The following ATPAF2 variants were observed in gnomAD, a reference collection of about 807,000 sequenced individuals.
The protein encoded by ATPAF2 is ATP12 homolog.
ATPAF2 carries 30 observed loss-of-function variants against 36.6 expected under a neutral mutation model. That is an observed-to-expected ratio of 0.82 (90% CI 0.61 to 1.11). ATPAF2 has a LOEUF of 1.11. ATPAF2 is among the 50% of genes most tolerant of loss of function. ATPAF2 has a pLI of 0.00. For synonymous variants in ATPAF2, 140 were observed against 152.6 expected, an observed-to-expected ratio of 0.92 and a Z score of 0.61; for missense variants, 321 against 372.3, an observed-to-expected ratio of 0.86 and a Z score of 1.13.
At position 18,021,871 on chromosome 17, in the gene ATPAF2, G is replaced by C. The variant is rs746996386; in HGVS notation, c.504-14C>G. ...TCCACGCCGTATCTGAAAGGAAAAGGGCTTCGGCATGTCTCTGTCATGCTG... is the reference window on the plus strand; with the variant it reads ...TCCACGCCGTATCTGAAAGGAAAAGCGCTTCGGCATGTCTCTGTCATGCTG... On this transcript the variant is annotated splice_polypyrimidine_tract_variant and intron_variant, in intron 5 of 7. Transcript: ENST00000474627. 1.2e-6 allele frequency: 2 copies of C among 1,610,438 alleles called. No individual in the cohort carries two copies. Among genetic ancestry groups the C allele is most frequent in the Non-Finnish European group, 1.7e-6 (2 of 1,176,794 alleles).
Position 18,028,317 on chromosome 17 carries a change from G to A in ATPAF2, c.239C>T (p.Thr80Ile), listed in dbSNP as rs1210953910. The A allele has an allele frequency of 6.2e-7, 1 of 1,614,188 alleles. No homozygotes were observed. The highest frequency in any genetic ancestry group is 1.7e-5 in the Admixed American group (1 of 60,026). ...KLKTPQAKLF[T>I]VPSEALAIAV... ...AATGGCCAGGGCCTCGCTGGGGACG[G>A]TAAAGAGCTTGGCTTGGGGAGTTTT... The change falls in exon 3 of 8, where the codon ACC (threonine) becomes ATC (isoleucine). Residue 80 changes from threonine (T) to isoleucine (I), a missense_variant. By Grantham distance (89) the Thr-to-Ile change is moderately conservative. Transcript: ENST00000474627.
At chr17:18,016,268 G>C (rs943509685), downstream of ATPAF2, 25 of 1,488,274 alleles carry the variant, frequency 1.7e-5, no homozygotes, top group Non-Finnish European at 2.2e-5. Context: ...TCCCTAGGTA[G>C]TGGATAGAAT....
At position 18,021,113 on chromosome 17, in the gene ATPAF2, T is replaced by C. The variant is rs1205539493; in HGVS notation, c.732+10A>G. 6.2e-7 allele frequency: 1 copy of C among 1,609,992 alleles called. No homozygotes were observed. The highest frequency in any genetic ancestry group is 8.5e-7 in the Non-Finnish European group (1 of 1,178,062). On this transcript the variant is annotated intron_variant, in intron 7 of 7. Transcript: ENST00000474627. ...AAGGGGGAGGCGGGACCTGAGGTGC[T>C]GCTCCTCACCTGGTACTCCTCCTCC... is the stretch of plus-strand genomic sequence containing the variant.
chr17:18,024,879 G>A lies in ATPAF2; in HGVS notation c.423-175C>T, dbSNP rs575052205. The A allele has an allele frequency of 3.3e-3, 2,114 of 647,766 alleles. 4 individuals carry two copies. The highest frequency in any genetic ancestry group is 5.2e-3 in the Admixed American group (227 of 43,576). The allele number at this position is 647,766 out of a possible 1,614,324, so 40.1% of individuals were successfully genotyped here. A position where few individuals can be genotyped will look rare whatever the true frequency, so the allele number is the denominator to read the frequency against. The stretch of plus-strand genomic sequence containing the variant: ...AAAGTGTGGCCCTGGCACCAGCATC[G>A]CCTGGGAACTTGTTAGAAATACACA... On this transcript the variant is annotated intron_variant, in intron 4 of 7. Coordinates refer to ENST00000474627, the MANE Select transcript of ATPAF2 (RefSeq NM_145691.4).
intron 3 of ATPAF2, 131 bp downstream of exon 3, chr17:18,028,101 G>C (rs1209536761): frequency 9.5e-7 from 1 of 1,054,450 alleles, no homozygotes; most frequent in Non-Finnish European, 1.5e-6. Flanking sequence ...TGACTTGAGA[G>C]GAGGTGAATC....
At chr17:18,034,297 T>C (rs1173040480) in intron 1 of ATPAF2, among the ~76,000 whole-genome samples, 1 of 151,794 alleles carries the variant, frequency 6.6e-6, no homozygotes, top group African/African-American at 2.4e-5. Flanking sequence ...CCCAGCTACT[T>C]TGGAGGCTGA....
At chr17:18,026,669 C>T (rs71367428) in intron 3 of ATPAF2, 2 of 573,632 alleles carry the variant, frequency 3.5e-6, no homozygotes, top group African/African-American at 3.7e-5. Context: ...TAGTGAACCT[C>T]CCCCATGGTC....
intron 3 of ATPAF2, chr17:18,028,030 G>A: frequency 1.5e-6 from 1 of 657,082 alleles, no homozygotes; most frequent in East Asian, 2.8e-5. Flanking sequence ...CCAGCACAGT[G>A]TTCCTAGGAG....
chr17:18,039,146 T>G lies in ATPAF2; in HGVS notation c.-133A>C. On this transcript the variant is annotated 5_prime_UTR_variant, in exon 1 of 8. Coordinates refer to ENST00000474627, the MANE Select transcript of ATPAF2 (RefSeq NM_145691.4). This position sits in a 1 kb window ranked among gnomAD's most constrained non-coding sequence, Gnocchi z 5.3. Reference sequence around the variant, plus strand: ...GCCTCCTCAGAGCCCTCAACCTCCCTTGGACGCCGCCATCTTCCGCATGAC... The same window carrying G: ...GCCTCCTCAGAGCCCTCAACCTCCCGTGGACGCCGCCATCTTCCGCATGAC... 7.7e-7 allele frequency: 1 copy of G among 1,296,676 alleles called. No homozygotes were observed. The highest frequency in any genetic ancestry group is 1.1e-6 in the Non-Finnish European group (1 of 933,086). 80.3% of individuals were successfully genotyped at this position (1,296,676 alleles called of 1,614,324 possible). A position where few individuals can be genotyped will look rare whatever the true frequency, so the allele number is the denominator to read the frequency against.
In ATPAF2 at chr17:18,024,625, T is replaced by A. The variant is rs1400539381; in HGVS notation, c.502A>T (p.Arg168Ter). Reference protein sequence around the residue: ...WDPIIEWAEKRYGVEISSSTS... With the variant: ...WDPIIEWAEK ...TTTCTGCAGGGCTGTACATCTTACC[T>A]TTTCTCAGCCCATTCGATGATTGGA... The change falls in exon 5 of 8, where the codon AGA becomes TGA. Residue 168 changes from arginine (R) to a stop codon, truncating the protein, a stop_gained and splice_region_variant. Coordinates refer to ENST00000474627, the MANE Select transcript of ATPAF2 (RefSeq NM_145691.4). LOFTEE classifies it high-confidence loss of function. 4 of 1,613,368 alleles carry A rather than the reference T, an allele frequency of 2.5e-6. No homozygotes were observed. The highest frequency in any genetic ancestry group is 3.4e-6 in the Non-Finnish European group (4 of 1,179,564).
chr17:18,026,981 G>A lies in ATPAF2; in HGVS notation c.325-565C>T, dbSNP rs572454944. Among the ~76,000 whole-genome samples the A allele has an allele frequency of 4.6e-5, 7 of 152,244 alleles. 1 individual carries two copies. In the South Asian group the frequency reaches 1.5e-3, roughly 32 times the overall value. ...CACGCCTGTAATCTCAGCACTTTGGGAGGCTGAGGTGGGCAGATCACCTGA... is the reference window on the plus strand; with the variant it reads ...CACGCCTGTAATCTCAGCACTTTGGAAGGCTGAGGTGGGCAGATCACCTGA... On this transcript the variant is annotated intron_variant, in intron 3 of 7. Transcript: ENST00000474627.
chr17:18,019,497 C>G (rs1367615129), intron 7 of ATPAF2, among the ~76,000 whole-genome samples: 1 of 152,268 alleles, frequency 6.6e-6, no homozygotes, highest in Non-Finnish European at 1.5e-5. Flanking sequence ...CACGCAGTGG[C>G]TTCAACTCTG....
intron 2 of ATPAF2, 22 bp downstream of exon 2, chr17:18,028,593 A>C: frequency 1.3e-6 from 2 of 1,515,696 alleles, no homozygotes; most frequent in South Asian, 1.2e-5. Flanking sequence ...AAAAAGAGGC[A>C]GTCAAAATTT....
chr17:18,038,898 G>T lies in ATPAF2; in HGVS notation c.116C>A (p.Ala39Asp). 6.2e-7 allele frequency: 1 copy of T among 1,614,064 alleles called. No homozygotes were observed. Among genetic ancestry groups the T allele is most frequent in the Non-Finnish European group, 8.5e-7 (1 of 1,179,908 alleles). The part of the protein sequence containing the change: ...PGPTIPSPAR[A>D]YAPPTERKRF... ...GGTCTTACCTGTCGGCGGGGCGTAA[G>T]CCCGGGCTGGAGACGGGATGGTTGG... Residue 39 changes from alanine to aspartate, a missense_variant, in exon 1 of 8, where the codon GCT becomes GAT. Ala to Asp is a moderately radical substitution (Grantham distance 126). This residue lies in a region of ATPAF2 where 69 missense variants were observed against 60.1 expected (regional missense o/e 1.15). Coordinates refer to ENST00000474627, the MANE Select transcript of ATPAF2 (RefSeq NM_145691.4).
At chr17:18,036,479 G>A (rs944855254) in intron 1 of ATPAF2, among the ~76,000 whole-genome samples, 8 of 151,932 alleles carry the variant, frequency 5.3e-5, no homozygotes, top group Admixed American at 6.6e-5. Context: ...GGGACGCTGA[G>A]GCAGGAGAAT....
chr17:18,023,228 C>T (rs975031037), intron 5 of ATPAF2, among the ~76,000 whole-genome samples: 14 of 151,126 alleles, frequency 9.3e-5, no homozygotes, highest in African/African-American at 3.2e-4. Context: ...GTCAGGAGTT[C>T]GAGACCAGCC....
chr17:18,021,150 C>T lies in ATPAF2; in HGVS notation c.705G>A (p.Leu235=), dbSNP rs1057523261. Residue 235 remains leucine, a synonymous_variant, in exon 7 of 8, where the codon CTG becomes CTA. Transcript: ENST00000474627. Reference sequence around the variant, plus strand: ...GGTACTCCTCCTCCAGGCGTGACAGCAGCACGGCCTGCTCCACTGTCAGGC... The same window carrying T: ...GGTACTCCTCCTCCAGGCGTGACAGTAGCACGGCCTGCTCCACTGTCAGGC... ...DLRLTVEQAV[L]LSRLEEEYQI... is the part of the protein sequence containing the mutation. 1 of 1,613,976 alleles carries T rather than the reference C, an allele frequency of 6.2e-7. No individual in the cohort carries two copies. Among genetic ancestry groups the T allele is most frequent in the Admixed American group, 1.7e-5 (1 of 60,022 alleles).
At chr17:18,037,328 G>A (rs983040486) in intron 1 of ATPAF2, among the ~76,000 whole-genome samples, 2 of 151,980 alleles carry the variant, frequency 1.3e-5, no homozygotes, top group Admixed American at 6.5e-5. Context: ...GGTGGCTCAC[G>A]CCTGTAATCC....
intron 7 of ATPAF2, among the ~76,000 whole-genome samples, chr17:18,020,059 C>A (rs2044447424): frequency 6.6e-6 from 1 of 152,060 alleles, no homozygotes; most frequent in African/African-American, 2.4e-5. Context: ...TTTTTCTGAG[C>A]AGAAGACTAC....
Sources: allele counts gnomAD v4.1 joint callset (sites outside exome capture counted in the v4.1 genomes callset), GRCh38; gene constraint gnomAD v4.1.1; regional missense constraint gnomAD v4.1.1; non-coding constraint Gnocchi (gnomAD v3.1); transcripts MANE v1.5; gene names NCBI Gene and HGNC (gene_info 2026-07-23, HGNC 2026-07-21).